Variants in CCDC39 observed in about 807,000 individuals in gnomAD.
The protein encoded by CCDC39 is coiled-coil domain-containing protein 39.
Under a neutral mutation model 121.0 loss-of-function variants are expected in CCDC39, and 113 were observed. The ratio of observed to expected loss-of-function variants is 0.93; its 90% CI spans 0.80 to 1.09. CCDC39 has a LOEUF of 1.09. CCDC39 is among the 50% of genes least tolerant of loss of function. The pLI is 0.00. For missense variants in CCDC39, 1,063 were observed against 1,074.7 expected, an observed-to-expected ratio of 0.99 and a Z score of 0.15; for synonymous variants, 349 against 352.2, an observed-to-expected ratio of 0.99 and a Z score of 0.10.
At chr3:180,636,603 CA>C (rs1337463633) in intron 13 of CCDC39, among the ~76,000 whole-genome samples, 1 of 149,380 alleles carries the variant, frequency 6.7e-6, no homozygotes, top group Non-Finnish European at 1.5e-5. Context: ...CATATGGAAC[CA>C]AAAAAGAGTC....
In CCDC39 at chr3:180,652,750, A is replaced by G. The variant is rs549365598; in HGVS notation, c.931-484T>C. 7.9e-5 allele frequency among the ~76,000 whole-genome samples: 12 copies of G among 152,228 alleles called. No individual in the cohort carries two copies. The East Asian group carries it at 1.7e-3, about 22-fold the overall frequency. ...AAGATACAAATTTTCTTTTTTATTA[A>G]GGACCTTTGCAAAAACCCTAAACTC... On this transcript the variant is annotated intron_variant, in intron 7 of 19. Transcript: ENST00000476379.
intron 12 of CCDC39, among the ~76,000 whole-genome samples, chr3:180,643,389 G>A (rs994318785): frequency 6.6e-6 from 1 of 152,062 alleles, no homozygotes; most frequent in Non-Finnish European, 1.5e-5. Context: ...TGACATAACA[G>A]AGAAAAGTGT....
rs76394036 is a variant in CCDC39, at chr3:180,648,391, T to C, written c.1168-32A>G. On this transcript the variant is annotated intron_variant, in intron 9 of 19. Transcript: ENST00000476379. ...ATGAGAATTATAGTGATTAATGGAA[T>C]TAAATATATTGAAATGTTGTATTTA... 3.5e-3 allele frequency: 4,561 copies of C among 1,302,974 alleles called. 143 individuals are homozygous for C. The African/African-American group carries it at 0.061, about 17-fold the overall frequency. 80.7% of individuals were successfully genotyped at this position (1,302,974 alleles called of 1,614,324 possible).
At chr3:180,668,589 T>C (rs1711951004) in intron 1 of CCDC39, among the ~76,000 whole-genome samples, 2 of 152,320 alleles carry the variant, frequency 1.3e-5, no homozygotes, top group South Asian at 2.1e-4. Flanking sequence ...TTTTCTCTCA[T>C]GGCAACCTTT....
At chr3:180,621,589 C>T (rs981838687) in intron 14 of CCDC39, among the ~76,000 whole-genome samples, 11 of 151,906 alleles carry the variant, frequency 7.2e-5, no homozygotes, top group Admixed American at 3.3e-4. Flanking sequence ...TTTCTTCCAA[C>T]TTTTAGGTTC....
chr3:180,626,244 A>G (rs1470536305), intron 14 of CCDC39, among the ~76,000 whole-genome samples: 1 of 152,052 alleles, frequency 6.6e-6, no homozygotes, highest in Non-Finnish European at 1.5e-5. Flanking sequence ...TCATGTGCCA[A>G]CAGTGATGCA....
chr3:180,668,992 T>G (rs1576953259), intron 1 of CCDC39, among the ~76,000 whole-genome samples: 1 of 152,242 alleles, frequency 6.6e-6, no homozygotes, highest in Non-Finnish European at 1.5e-5. Context: ...CTCATACTTA[T>G]ATAATTACAT....
chr3:180,659,218 G>A (rs148241254), intron 6 of CCDC39, among the ~76,000 whole-genome samples: 92 of 152,194 alleles, frequency 6.0e-4, no homozygotes, highest in African/African-American at 2.1e-3. Context: ...TTCTTGTTCC[G>A]CAATTCTGAG....
intron 13 of CCDC39, among the ~76,000 whole-genome samples, chr3:180,640,834 T>A (rs1717937542): frequency 6.6e-6 from 1 of 151,922 alleles, no homozygotes; most frequent in Non-Finnish European, 1.5e-5. Flanking sequence ...TTTTTTCCAG[T>A]GGGGTCTTTG....
At chr3:180,615,222 A>C (rs1717186525) in intron 19 of CCDC39, 145 bp from the exon 20 acceptor site, 3 of 562,138 alleles carry the variant, frequency 5.3e-6, no homozygotes, top group Non-Finnish European at 9.0e-6. Context: ...TTAAATGACC[A>C]TCAATAGATA....
Position 180,660,628 on chromosome 3 carries a change from T to G in CCDC39, c.458A>C (p.Lys153Thr). Residue 153 changes from lysine (K) to threonine (T), a missense_variant, in exon 4 of 20, where the codon AAA becomes ACA. Transcript: ENST00000476379. Reference protein sequence around the residue: ...LEAWLEESAHKDSDALTLQKY... With the variant: ...LEAWLEESAHTDSDALTLQKY... The stretch of plus-strand genomic sequence containing the variant: ...CTGGAGAGTGAGAGCATCACTATCT[T>G]TATGAGCTGATTCTTCTAACCAGGC... The G allele has an allele frequency of 1.9e-6, 3 of 1,602,742 alleles. No homozygotes were observed. The highest frequency in any genetic ancestry group is 2.6e-6 in the Non-Finnish European group (3 of 1,173,626).
chr3:180,644,350 T>A, intron 11 of CCDC39, 93 bp from the exon 12 acceptor site: 2 of 694,834 alleles, frequency 2.9e-6, no homozygotes, highest in Non-Finnish European at 4.5e-6. Context: ...TACATTAAAT[T>A]ATATACTCAG....
In CCDC39 at chr3:180,679,366, G is replaced by A. The variant is rs376727915; in HGVS notation, c.15C>T (p.Phe5=). The part of the protein sequence containing the change: MSSE[F]LAELHWEDGF... ...CATCCTCCCAGTGCAGCTCAGCCAG[G>A]AATTCGCTACTCATGACTGCAAACG... The change falls in exon 1 of 20, where the codon TTC becomes TTT. Residue 5 remains phenylalanine (F), a synonymous_variant. Transcript: ENST00000476379. The surrounding 1 kb of genome is among the most constrained non-coding windows in gnomAD (Gnocchi z 4.0). 1.9e-6 allele frequency: 3 copies of A among 1,613,750 alleles called. No homozygotes were observed. The African/African-American group carries it at 4.0e-5, about 22-fold the overall frequency.
At chr3:180,639,728 A>G (rs1404737624) in intron 13 of CCDC39, among the ~76,000 whole-genome samples, 1 of 152,104 alleles carries the variant, frequency 6.6e-6, no homozygotes, top group South Asian at 2.1e-4. Flanking sequence ...AATTACTGCT[A>G]AAGAACTTAT....
At chr3:180,626,446 G>A (rs1239482714) in intron 14 of CCDC39, among the ~76,000 whole-genome samples, 1 of 152,060 alleles carries the variant, frequency 6.6e-6, no homozygotes, top group African/African-American at 2.4e-5. Context: ...TGTGCTGTAG[G>A]CCTGCCACCA....
chr3:180,660,953 A>T (rs1560092525), intron 3 of CCDC39, among the ~76,000 whole-genome samples: 1 of 152,092 alleles, frequency 6.6e-6, no homozygotes, highest in Non-Finnish European at 1.5e-5. Flanking sequence ...AGATGACTAT[A>T]CAAAGTCAAG....
At chr3:180,653,896 G>A (rs936459358) in intron 7 of CCDC39, among the ~76,000 whole-genome samples, 1 of 151,960 alleles carries the variant, frequency 6.6e-6, no homozygotes, top group African/African-American at 2.4e-5. Flanking sequence ...CTAATACAAT[G>A]TAAATGCTAT....
chr3:180,647,410 G>A (rs552056098), intron 10 of CCDC39, among the ~76,000 whole-genome samples, 167 bp from the exon 11 acceptor site: 1 of 152,082 alleles, frequency 6.6e-6, no homozygotes, highest in South Asian at 2.1e-4. Context: ...CACTCTAAGA[G>A]GAACAAAAAT....
chr3:180,661,629 T>C lies in CCDC39; in HGVS notation c.357+232A>G, dbSNP rs148768944. On this transcript the variant is annotated intron_variant, in intron 3 of 19. Coordinates refer to ENST00000476379, the MANE Select transcript of CCDC39 (RefSeq NM_181426.2). ...GGCAGCAAGCATGGTACTTTGCATA[T>C]AGTAAGCCTCAGTAAGTAGCTGATG... Among the ~76,000 whole-genome samples, 20 of 152,228 alleles carry C rather than the reference T, an allele frequency of 1.3e-4. No homozygotes were observed. The East Asian group carries it at 2.9e-3, about 22-fold the overall frequency.
Sources: allele counts gnomAD v4.1 joint callset (sites outside exome capture counted in the v4.1 genomes callset), GRCh38; gene constraint gnomAD v4.1.1; non-coding constraint Gnocchi (gnomAD v3.1); transcripts MANE v1.5; gene names NCBI Gene and HGNC (gene_info 2026-07-23, HGNC 2026-07-21).